CTSV: variants seen among roughly 807,000 people sequenced by gnomAD.
The protein encoded by CTSV is cathepsin L2.
CTSV carries 33 observed loss-of-function variants against 35.6 expected under a neutral mutation model. The observed-to-expected ratio is 0.93, with a 90% CI of 0.70 to 1.24. The LOEUF is 1.24. CTSV is among the 50% of genes most tolerant of loss of function. CTSV has a pLI of 0.00. For missense variants in CTSV, 408 were observed against 413.1 expected, an observed-to-expected ratio of 0.99 and a Z score of 0.11; for synonymous variants, 154 against 147.1, an observed-to-expected ratio of 1.05 and a Z score of -0.34.
chr9:97,037,271 A>T lies in CTSV; in HGVS notation c.377T>A (p.Val126Glu). The change falls in exon 4 of 8, where the codon GTG (valine) becomes GAG (glutamate). Residue 126 changes from valine (V) to glutamate (E), a missense_variant. Transcript: ENST00000259470. ...TCTCACCTGATTCTTCACTGGCGTCACGTAGCCTTTCTTTCTCCAATCCAC... is the reference window on the plus strand; with the variant it reads ...TCTCACCTGATTCTTCACTGGCGTCTCGTAGCCTTTCTTTCTCCAATCCAC... ...KSVDWRKKGY[V>E]TPVKNQKQCG... is the part of the protein sequence containing the mutation. 1 of 1,614,118 alleles carries T rather than the reference A, an allele frequency of 6.2e-7. No homozygotes were observed. Among genetic ancestry groups the T allele is most frequent in the Non-Finnish European group, 8.5e-7 (1 of 1,180,012 alleles).
intron 5 of CTSV, 125 bp downstream of exon 5, chr9:97,036,398 C>CA (rs754786199): frequency 1.0e-5 from 8 of 772,304 alleles, no homozygotes; most frequent in Non-Finnish European, 1.8e-5. Context: ...TGACAATACT[C>CA]ACGGTTTGCA....
Position 97,037,920 on chromosome 9 carries a change from C to G in CTSV, c.124G>C (p.Ala42Pro). The G allele has an allele frequency of 1.2e-6, 2 of 1,613,948 alleles. No homozygotes were observed. The highest frequency in any genetic ancestry group is 1.7e-6 in the Non-Finnish European group (2 of 1,179,906). The change falls in exon 2 of 8, where the codon GCG becomes CCG. Residue 42 changes from alanine (A) to proline (P), a missense_variant and splice_region_variant. Ala to Pro is a conservative substitution (Grantham distance 27). Transcript: ENST00000259470. ...WKATHRRLYG[A>P]NEEGWRRAVW... ...GGACAGTTTCAGATGTTACCAACCG[C>G]GCCATATAATCTTCTGTGTGTTGCC...
intron 1 of CTSV, chr9:97,038,303 G>A (rs968457593): frequency 4.5e-5 from 15 of 334,242 alleles, no homozygotes; most frequent in East Asian, 1.1e-4. Context: ...GATACCTGAC[G>A]GGTGAGAAGC....
chr9:97,030,631 A>AT lies in CTSV; in HGVS notation c.*2317dup, dbSNP rs1828726549. 1 of 152,236 alleles carries AT rather than the reference A, an allele frequency of 6.6e-6. No individual in the cohort carries two copies. Among genetic ancestry groups the AT allele is most frequent in the African/African-American group, 2.4e-5 (1 of 41,452 alleles). 9.4% of individuals were successfully genotyped at this position (152,236 alleles called of 1,614,324 possible). A position where few individuals can be genotyped will look rare whatever the true frequency, so the allele number is the denominator to read the frequency against. ...TAAACATTGTTTCTATAGATTATAG[A>AT]TTAACTAAAAGTATTCCTTCCCAAA... On this transcript the variant is annotated 3_prime_UTR_variant, in exon 8 of 8. Coordinates refer to ENST00000259470, the MANE Select transcript of CTSV (RefSeq NM_001333.4).
rs1378248126 is a variant in CTSV at position 97,030,785 on chromosome 9, G to GAACACC, written c.*2163_*2164insGGTGTT. ...CGTTTTCCCGCCCTGGGTGGTCCAG[G>GAACACC]TGTTCCTTGCTCTCATTCCGGTAAA... On this transcript the variant is annotated 3_prime_UTR_variant, in exon 8 of 8. Coordinates refer to ENST00000259470, the MANE Select transcript of CTSV (RefSeq NM_001333.4). 3.3e-5 allele frequency: 5 copies of GAACACC among 152,168 alleles called. No individual in the cohort carries two copies. Among genetic ancestry groups the GAACACC allele is most frequent in the African/African-American group, 1.2e-4 (5 of 41,444 alleles). The allele number at this position is 152,168 out of a possible 1,614,324, so 9.4% of individuals were successfully genotyped here. A position where few individuals can be genotyped will look rare whatever the true frequency, so the allele number is the denominator to read the frequency against.
chr9:97,033,900 C>G (rs1037602597), intron 7 of CTSV, among the ~76,000 whole-genome samples: 2 of 151,868 alleles, frequency 1.3e-5, no homozygotes, highest in African/African-American at 4.8e-5. Flanking sequence ...CGACAGCAGC[C>G]TGGCATACAT....
At position 97,037,530 on chromosome 9, in the gene CTSV, T is replaced by A; in HGVS notation, c.212A>T (p.His71Leu). The A allele has an allele frequency of 6.2e-7, 1 of 1,614,196 alleles. No individual in the cohort carries two copies. The highest frequency in any genetic ancestry group is 8.5e-7 in the Non-Finnish European group (1 of 1,180,022). ...AGCATTCATGGCCATTGTGAAGCCA[T>A]GTTTCCCTTGGCTGTATTCCCCATT... ...LHNGEYSQGK[H>L]GFTMAMNAFG... Residue 71 changes from histidine (H) to leucine (L), a missense_variant, in exon 3 of 8, where the codon CAT becomes CTT. Transcript: ENST00000259470.
rs1328674961 is a variant in CTSV, at chr9:97,031,166, T to G, written c.*1783A>C. ...CTAGATGTTTCCTTAGAGCCTGGGT[T>G]GTTGTTCCAAGAATCTGTGGAGAGT... is the stretch of plus-strand genomic sequence containing the variant. On this transcript the variant is annotated 3_prime_UTR_variant, in exon 8 of 8. Coordinates refer to ENST00000259470, the MANE Select transcript of CTSV (RefSeq NM_001333.4). 2.0e-5 allele frequency: 3 copies of G among 152,228 alleles called. No homozygotes were observed. Among genetic ancestry groups the G allele is most frequent in the African/African-American group, 7.2e-5 (3 of 41,462 alleles). The allele number at this position is 152,228 out of a possible 1,614,324, so 9.4% of individuals were successfully genotyped here. A position where few individuals can be genotyped will look rare whatever the true frequency, so the allele number is the denominator to read the frequency against.
At chr9:97,034,892 G>A (rs750180388) in intron 6 of CTSV, 49 bp from the exon 7 acceptor site, 2 of 1,415,338 alleles carry the variant, frequency 1.4e-6, no homozygotes, top group South Asian at 2.3e-5. Flanking sequence ...AGCGACATGT[G>A]ACAGTAACCC....
chr9:97,034,852 G>A lies in CTSV; in HGVS notation c.788-9C>T, dbSNP rs10980228. The A allele has an allele frequency of 5.9e-5, 95 of 1,608,812 alleles. No homozygotes were observed. The East Asian group carries it at 1.7e-3, about 29-fold the overall frequency. Reference sequence around the variant, plus strand: ...TGGTTCAAAATAAATGCCTGGGAGAGTAAAATTAATGCTGGGGTGAGAAGC... The same window carrying A: ...TGGTTCAAAATAAATGCCTGGGAGAATAAAATTAATGCTGGGGTGAGAAGC... On this transcript the variant is annotated splice_polypyrimidine_tract_variant and intron_variant, in intron 6 of 7. Coordinates refer to ENST00000259470, the MANE Select transcript of CTSV (RefSeq NM_001333.4).
chr9:97,035,414 A>G, intron 6 of CTSV, 114 bp downstream of exon 6: 1 of 788,812 alleles, frequency 1.3e-6, no homozygotes, highest in Non-Finnish European at 1.8e-6. Context: ...TCACTATGTT[A>G]AATGCTCACT....
intron 4 of CTSV, 84 bp downstream of exon 4, chr9:97,037,168 T>C: frequency 7.0e-7 from 1 of 1,421,476 alleles, no homozygotes; most frequent in Non-Finnish European, 9.6e-7. Flanking sequence ...CACCATATGT[T>C]GTGCCACCAT....
At position 97,037,631 on chromosome 9, in the gene CTSV, T is replaced by C. The variant is rs1472609468; in HGVS notation, c.127-16A>G. 8 of 1,613,112 alleles carry C rather than the reference T, an allele frequency of 5.0e-6. No individual in the cohort carries two copies. Among genetic ancestry groups the C allele is most frequent in the Admixed American group, 1.7e-5 (1 of 59,930 alleles). ...CTTCTTCATTCTAGAGGCAAACATATAGCTGGTGGACTTTATGTCTACTTA... is the reference window on the plus strand; with the variant it reads ...CTTCTTCATTCTAGAGGCAAACATACAGCTGGTGGACTTTATGTCTACTTA... On this transcript the variant is annotated splice_polypyrimidine_tract_variant and intron_variant, in intron 2 of 7. Coordinates refer to ENST00000259470, the MANE Select transcript of CTSV (RefSeq NM_001333.4).
intron 7 of CTSV, 117 bp from the exon 8 acceptor site, chr9:97,033,165 G>A: frequency 1.6e-6 from 1 of 641,794 alleles, no homozygotes. Flanking sequence ...TATTCTAAAT[G>A]CTGTTAATAT....
Position 97,033,051 on chromosome 9 carries a change from G to A in CTSV, c.906-3C>T. ...TCGAGCCCCATTCTGGACCCCAGCTGAAAGAGGAGCAGGTTTTCCATTTTA... is the reference window on the plus strand; with the variant it reads ...TCGAGCCCCATTCTGGACCCCAGCTAAAAGAGGAGCAGGTTTTCCATTTTA... On this transcript the variant is annotated splice_region_variant and splice_polypyrimidine_tract_variant and intron_variant, in intron 7 of 7. Transcript: ENST00000259470. 6.2e-7 allele frequency: 1 copy of A among 1,603,056 alleles called. No individual in the cohort carries two copies. Among genetic ancestry groups the A allele is most frequent in the Non-Finnish European group, 8.5e-7 (1 of 1,174,542 alleles).
rs569904266 is a variant in CTSV, at chr9:97,036,759, G to GA, written c.397-13dup. 2.8e-4 allele frequency: 422 copies of GA among 1,516,196 alleles called. No homozygotes were observed. Among genetic ancestry groups the GA allele is most frequent in the Middle Eastern group, 5.4e-4 (3 of 5,600 alleles). The allele number at this position is 1,516,196 out of a possible 1,614,324, so 93.9% of individuals were successfully genotyped here. A position where few individuals can be genotyped will look rare whatever the true frequency, so the allele number is the denominator to read the frequency against. ...GAACCACACTGTTTCTAAAAAGGGA[G>GA]AAAAAAAAAGCTGTAAATTTACAAG... On this transcript the variant is annotated splice_polypyrimidine_tract_variant and intron_variant, in intron 4 of 7. Transcript: ENST00000259470.
At chr9:97,037,835 G>C in intron 2 of CTSV, 83 bp downstream of exon 2, 2 of 1,558,572 alleles carry the variant, frequency 1.3e-6, no homozygotes, top group Non-Finnish European at 1.8e-6. Flanking sequence ...CTGGTGTCTA[G>C]AAGCTACTCT....
chr9:97,034,780 T>G lies in CTSV; in HGVS notation c.851A>C (p.Tyr284Ser). Residue 284 changes from tyrosine (Y) to serine (S), a missense_variant, in exon 7 of 8, where the codon TAC (tyrosine) becomes TCC (serine). Transcript: ENST00000259470. ...ATTCGAATTTGCTCCTTCAAAGCCG[T>G]AGCCAACCACCAGAACACCATGATC... ...NLDHGVLVVG[Y>S]GFEGANSNNS... 1 of 1,614,158 alleles carries G rather than the reference T, an allele frequency of 6.2e-7. No individual in the cohort carries two copies. The highest frequency in any genetic ancestry group is 2.2e-5 in the East Asian group (1 of 44,880).
Position 97,031,610 on chromosome 9 carries a change from T to A in CTSV, c.*1339A>T, listed in dbSNP as rs562856590. The A allele has an allele frequency of 6.6e-6, 1 of 152,258 alleles. No homozygotes were observed. The allele number at this position is 152,258 out of a possible 1,614,324, so 9.4% of individuals were successfully genotyped here. A position where few individuals can be genotyped will look rare whatever the true frequency, so the allele number is the denominator to read the frequency against. On this transcript the variant is annotated 3_prime_UTR_variant, in exon 8 of 8. Coordinates refer to ENST00000259470, the MANE Select transcript of CTSV (RefSeq NM_001333.4). ...ATATGCAAAAATATCGTTTTATTTG[T>A]ATTTACTACCTGTGTAACTATATGC...
Sources: allele counts gnomAD v4.1 joint callset (sites outside exome capture counted in the v4.1 genomes callset), GRCh38; gene constraint gnomAD v4.1.1; transcripts MANE v1.5; gene names NCBI Gene and HGNC (gene_info 2026-07-23, HGNC 2026-07-21).